Variants in IFNLR1 observed in about 807,000 individuals in gnomAD.
IFNLR1 encodes the protein interferon lambda receptor 1, also known as CRF2-12.
Under a neutral mutation model 52.5 loss-of-function variants are expected in IFNLR1, and 28 were observed. The ratio of observed to expected loss-of-function variants is 0.53; its 90% CI spans 0.40 to 0.73. The LOEUF is 0.73. Ranked by LOEUF, IFNLR1 falls within the 30% of genes least tolerant of loss-of-function variation. The pLI is 0.00. For missense variants in IFNLR1, 623 were observed against 659.1 expected (o/e 0.95, Z 0.60); for synonymous variants, 276 against 274.9 (o/e 1.00, Z -0.04).
Position 24,180,717 on chromosome 1 carries a change from A to G in IFNLR1, c.182+14T>C. 7.0e-7 allele frequency: 1 copy of G among 1,433,726 alleles called. No individual in the cohort carries two copies. The highest frequency in any genetic ancestry group is 1.1e-5 in the South Asian group (1 of 87,742). 88.8% of individuals were successfully genotyped at this position (1,433,726 alleles called of 1,614,324 possible). A position where few individuals can be genotyped will look rare whatever the true frequency, so the allele number is the denominator to read the frequency against. ...TCAGTCTTCCCATCCACCAGCCGAG[A>G]GAGTCCCCTCTACCTCTGATAGGCC... On this transcript the variant is annotated intron_variant, in intron 2 of 6. Coordinates refer to ENST00000327535, the MANE Select transcript of IFNLR1 (RefSeq NM_170743.4).
At position 24,156,968 on chromosome 1, in the gene IFNLR1, G is replaced by C; in HGVS notation, c.*162C>G. On this transcript the variant is annotated 3_prime_UTR_variant, in exon 7 of 7. Coordinates refer to ENST00000327535, the MANE Select transcript of IFNLR1 (RefSeq NM_170743.4). ...TCACAGGAGGGAGGGGCATCTTGTT[G>C]CTCAGCCCGACAGGCAAACAGCCGC... 1 of 741,296 alleles carries C rather than the reference G, an allele frequency of 1.3e-6. No homozygotes were observed. Among genetic ancestry groups the C allele is most frequent in the Non-Finnish European group, 2.2e-6 (1 of 454,392 alleles). The allele number at this position is 741,296 out of a possible 1,614,324, so 45.9% of individuals were successfully genotyped here. A position where few individuals can be genotyped will look rare whatever the true frequency, so the allele number is the denominator to read the frequency against.
chr1:24,162,868 TTTCTTTCTTTCC>T (rs1375936170), intron 3 of IFNLR1, among the ~76,000 whole-genome samples: 2 of 58,016 alleles, frequency 3.4e-5, no homozygotes, highest in African/African-American at 8.7e-5. Flanking sequence ...TCTTTCTTTC[TTTCTTTCTTTCC>T]TTCCTTCCTT....
At chr1:24,180,922 T>A in intron 1 of IFNLR1, 68 bp from the exon 2 acceptor site, 1 of 1,548,272 alleles carries the variant, frequency 6.5e-7, no homozygotes, top group Non-Finnish European at 8.7e-7. Context: ...CATCCCAAGC[T>A]GAGGGGCAGC....
At chr1:24,160,068 G>C (rs1644426576) in intron 4 of IFNLR1, among the ~76,000 whole-genome samples, 1 of 152,198 alleles carries the variant, frequency 6.6e-6, no homozygotes, top group Non-Finnish European at 1.5e-5. Flanking sequence ...AAGACTACCT[G>C]AGTTCTTTTC....
At chr1:24,182,003 A>G (rs891879165) in intron 1 of IFNLR1, among the ~76,000 whole-genome samples, 6 of 152,154 alleles carry the variant, frequency 3.9e-5, no homozygotes, top group African/African-American at 1.4e-4. Context: ...ATTCAAGACC[A>G]GTCTTGGCCA....
Position 24,179,672 on chromosome 1 carries a change from C to T in IFNLR1, c.182+1059G>A, listed in dbSNP as rs192744521. 5.3e-5 allele frequency among the ~76,000 whole-genome samples: 8 copies of T among 152,296 alleles called. No homozygotes were observed. The East Asian group carries it at 1.5e-3, about 29-fold the overall frequency. On this transcript the variant is annotated intron_variant, in intron 2 of 6. Transcript: ENST00000327535. ...GACACAGCACCCTCTGAGCTCAATCCCCTCACCTCTAGAATGGGGAAAACA... is the reference window on the plus strand; with the variant it reads ...GACACAGCACCCTCTGAGCTCAATCTCCTCACCTCTAGAATGGGGAAAACA...
At chr1:24,163,847 G>C (rs148573412) in intron 3 of IFNLR1, among the ~76,000 whole-genome samples, 67 of 152,210 alleles carry the variant, frequency 4.4e-4, no homozygotes, top group African/African-American at 1.5e-3. Context: ...CCAAAGTGCT[G>C]GGATTACAGG....
chr1:24,168,590 G>GA (rs200583578), intron 3 of IFNLR1, among the ~76,000 whole-genome samples: 74 of 141,608 alleles, frequency 5.2e-4, no homozygotes, highest in Admixed American at 2.2e-3. Flanking sequence ...AAAATAGACT[G>GA]AAAAAAAAAA....
intron 2 of IFNLR1, among the ~76,000 whole-genome samples, chr1:24,172,736 G>A (rs1644593877): frequency 6.6e-6 from 1 of 152,192 alleles, no homozygotes; most frequent in African/African-American, 2.4e-5. Context: ...GTCTGTGAGG[G>A]CTGCCATGGT....
At chr1:24,180,672 T>TGCCCCC in intron 2 of IFNLR1, 59 bp downstream of exon 2, 1 of 432,142 alleles carries the variant, frequency 2.3e-6, no homozygotes, top group Non-Finnish European at 4.4e-6. Context: ...GAGAAGCCCC[T>TGCCCCC]CCAGCCCCCA....
Position 24,187,278 on chromosome 1 carries a change from G to A in IFNLR1, c.-30C>T, listed in dbSNP as rs4090311. 1,082,860 of 1,249,344 alleles carry A rather than the reference G, an allele frequency of 0.87. 470,951 individuals are homozygous for A. Among genetic ancestry groups the A allele is most frequent in the African/African-American group, 0.92 (59,417 of 64,288 alleles). 77.4% of individuals were successfully genotyped at this position (1,249,344 alleles called of 1,614,324 possible). A position where few individuals can be genotyped will look rare whatever the true frequency, so the allele number is the denominator to read the frequency against. ...TTCCTGCCGCGGCGTCCCCGCCCGG[G>A]CCCAGGTCCCCGCCTCCCGCCTCCC... On this transcript the variant is annotated 5_prime_UTR_variant, in exon 1 of 7. Coordinates refer to ENST00000327535, the MANE Select transcript of IFNLR1 (RefSeq NM_170743.4).
chr1:24,181,054 G>A (rs1278432896), intron 1 of IFNLR1, among the ~76,000 whole-genome samples, 200 bp from the exon 2 acceptor site: 3 of 152,116 alleles, frequency 2.0e-5, no homozygotes, highest in Admixed American at 2.0e-4. Flanking sequence ...GCACACTCTG[G>A]GACCGGAGGG....
intron 3 of IFNLR1, among the ~76,000 whole-genome samples, chr1:24,162,331 C>T (rs1433389006): frequency 3.9e-5 from 6 of 152,176 alleles, no homozygotes; most frequent in Non-Finnish European, 8.8e-5. Context: ...CCAGAAACGG[C>T]ACCATGGAGT....
chr1:24,162,133 C>T (rs563363220), intron 3 of IFNLR1, among the ~76,000 whole-genome samples: 40 of 152,322 alleles, frequency 2.6e-4, no homozygotes, highest in African/African-American at 8.7e-4. Flanking sequence ...CTGGTTCCTC[C>T]GCTCTGGGTC....
At chr1:24,182,306 G>A (rs1434669167) in intron 1 of IFNLR1, among the ~76,000 whole-genome samples, 1 of 152,078 alleles carries the variant, frequency 6.6e-6, no homozygotes, top group East Asian at 1.9e-4. Context: ...TCTGCTACTG[G>A]AACCCTAATT....
rs1208640894 is a variant in IFNLR1, at chr1:24,157,283, C to T, written c.1410G>A (p.Gln470=). Residue 470 remains glutamine (Q), a synonymous_variant, in exon 7 of 7, where the codon CAG becomes CAA. Transcript: ENST00000327535. This position sits in a 1 kb window ranked among gnomAD's most constrained non-coding sequence, Gnocchi z 5.1. The stretch of plus-strand genomic sequence containing the variant: ...TGCTTTCCCAGCAGAAGGTCAGTGT[C>T]TGAAGAGAAACTGGGGGTCCCCCAG... ...LVPGGPPVSL[Q]TLTFCWESSP... The T allele has an allele frequency of 9.9e-6, 16 of 1,614,066 alleles. No individual in the cohort carries two copies. Among genetic ancestry groups the T allele is most frequent in the Non-Finnish European group, 1.3e-5 (15 of 1,180,046 alleles).
intron 4 of IFNLR1, 114 bp from the exon 5 acceptor site, chr1:24,159,747 T>G (rs1317156066): frequency 1.2e-5 from 11 of 954,624 alleles, no homozygotes; most frequent in Non-Finnish European, 1.5e-5. Flanking sequence ...GTTTTTTTTT[T>G]TTGTTTTTTT....
chr1:24,175,953 G>T (rs1374270392), intron 2 of IFNLR1, among the ~76,000 whole-genome samples: 1 of 149,514 alleles, frequency 6.7e-6, no homozygotes, highest in East Asian at 2.0e-4. Context: ...AAAAAAAAGA[G>T]AGTTTTGGGG....
At chr1:24,178,675 C>T (rs1024087901) in intron 2 of IFNLR1, among the ~76,000 whole-genome samples, 4 of 151,986 alleles carry the variant, frequency 2.6e-5, no homozygotes, top group African/African-American at 7.3e-5. Flanking sequence ...TGTTTAAATG[C>T]CTGAGTTCAT....
Sources: gnomAD v4.1 joint callset for allele counts (sites outside exome capture counted in the v4.1 genomes callset) on GRCh38, gnomAD v4.1.1 for gene constraint, Gnocchi (gnomAD v3.1) non-coding constraint, MANE v1.5 for transcripts, NCBI Gene and HGNC (gene_info 2026-07-23, HGNC 2026-07-21) for gene names.